Variants in TJP1 observed in about 807,000 individuals in gnomAD.
The protein encoded by TJP1 is tight junction protein ZO-1.
A neutral mutation model predicts 194.2 loss-of-function variants in TJP1; 43 were observed. That is an observed-to-expected ratio of 0.22 (90% CI 0.17 to 0.29). The LOEUF (loss-of-function observed/expected upper bound fraction) is 0.29, where lower values mean the gene tolerates loss of function less well. Ranked by LOEUF, TJP1 falls within the 10% of genes least tolerant of loss-of-function variation. The pLI, the probability that TJP1 is intolerant of heterozygous loss-of-function variation, is 1.00. For missense variants in TJP1, 1,971 were observed against 2,185.7 expected (o/e 0.90, Z 1.96); for synonymous variants, 801 against 779.0 (o/e 1.03, Z -0.47).
rs754797988 is a variant in TJP1 at position 29,781,324 on chromosome 15, T to C, written c.85-7967A>G. On this transcript the variant is annotated intron_variant, in intron 2 of 27. Transcript: ENST00000614355. ...GTAACAAACGCCGAAAGTGAATCAGTAGTAAATAGCCTACCAACTAAAAAA... is the reference window on the plus strand; with the variant it reads ...GTAACAAACGCCGAAAGTGAATCAGCAGTAAATAGCCTACCAACTAAAAAA... Among the ~76,000 whole-genome samples, 66 of 152,128 alleles carry C rather than the reference T, an allele frequency of 4.3e-4. 1 individual carries two copies. Among genetic ancestry groups the C allele is most frequent in the Middle Eastern group, 3.4e-3 (1 of 294 alleles).
At chr15:29,791,407 A>G (rs2048074840) in intron 2 of TJP1, among the ~76,000 whole-genome samples, 1 of 138,174 alleles carries the variant, frequency 7.2e-6, no homozygotes, top group South Asian at 2.3e-4. Context: ...GAGCCTCCAT[A>G]ATATTCTTTT....
intron 1 of TJP1, among the ~76,000 whole-genome samples, chr15:29,957,041 C>G (rs1478643025): frequency 6.6e-6 from 1 of 152,118 alleles, no homozygotes; most frequent in African/African-American, 2.4e-5. Flanking sequence ...GCCTAGCACA[C>G]CCAGTACAAG....
At chr15:29,705,148 C>T (rs540355420) in intron 26 of TJP1, among the ~76,000 whole-genome samples, 1 of 152,308 alleles carries the variant, frequency 6.6e-6, no homozygotes, top group Admixed American at 6.5e-5. Context: ...TTTAGGTTCT[C>T]CAATCAGGTG....
At chr15:29,948,142 G>A (rs888789137) in intron 2 of TJP1, among the ~76,000 whole-genome samples, 10 of 151,872 alleles carry the variant, frequency 6.6e-5, no homozygotes, top group African/African-American at 2.4e-4. Context: ...GTGCCCGCCT[G>A]TAGTCCCAGT....
chr15:29,727,614 GAATTT>G (rs1312861088), intron 16 of TJP1, among the ~76,000 whole-genome samples: 4 of 152,168 alleles, frequency 2.6e-5, no homozygotes, highest in Non-Finnish European at 5.9e-5. Context: ...AAATGTTTAA[GAATTT>G]AATGTTCCTG....
At chr15:29,705,810 C>T (rs2041862694) in intron 25 of TJP1, 65 bp from the exon 26 acceptor site, 1 of 1,388,418 alleles carries the variant, frequency 7.2e-7, no homozygotes, top group South Asian at 1.2e-5. Context: ...GCTTTTACTA[C>T]TACTGTATTA....
chr15:29,741,426 A>T lies in TJP1; in HGVS notation c.1161T>A (p.Pro387=), dbSNP rs377099925. The change falls in exon 10 of 28, where the codon CCT becomes CCA. Residue 387 remains proline, a synonymous_variant. Transcript: ENST00000614355. The stretch of plus-strand genomic sequence containing the variant: ...CTGGTTGCCCAACTTGGGCATACAC[A>T]GGCTTTGGTTCTAAGAAAAAAAAAA... ...KQTPSLPEPK[P]VYAQVGQPDV... is the part of the protein sequence containing the mutation. The T allele has an allele frequency of 1.4e-4, 221 of 1,607,276 alleles. No individual in the cohort carries two copies. In the African/African-American group the frequency reaches 2.6e-3, roughly 19 times the overall value.
At chr15:29,767,742 C>G (rs1203821024) in intron 4 of TJP1, among the ~76,000 whole-genome samples, 2 of 152,200 alleles carry the variant, frequency 1.3e-5, no homozygotes, top group South Asian at 4.2e-4. Context: ...CCATTTTACT[C>G]CCCCTCCCCT....
intron 1 of TJP1, among the ~76,000 whole-genome samples, chr15:29,815,335 T>C (rs1316641771): frequency 6.6e-6 from 1 of 152,244 alleles, no homozygotes; most frequent in Non-Finnish European, 1.5e-5. Context: ...TATTTCTTTC[T>C]ACAAGACTAA....
chr15:29,934,822 G>A (rs998310270), intron 2 of TJP1, among the ~76,000 whole-genome samples: 1 of 152,240 alleles, frequency 6.6e-6, no homozygotes, highest in Non-Finnish European at 1.5e-5. Context: ...GCTATGAGTA[G>A]TGTGAAGGGT....
At chr15:29,766,149 A>C in intron 5 of TJP1, 117 bp downstream of exon 5, 1 of 1,368,896 alleles carries the variant, frequency 7.3e-7, no homozygotes, top group Non-Finnish European at 9.9e-7. Flanking sequence ...TTACAGTGAT[A>C]GAACACAAAC....
intron 8 of TJP1, among the ~76,000 whole-genome samples, chr15:29,748,564 CTTTTTTTTTTTTTT>C (rs61364565): frequency 1.6e-4 from 12 of 73,392 alleles, no homozygotes; most frequent in African/African-American, 4.8e-4. Flanking sequence ...CTTCCTAATT[CTTTTTTTTTTTTTT>C]TTTTTTTTTT....
intron 16 of TJP1, 128 bp from the exon 17 acceptor site, chr15:29,727,119 G>C (rs1381025675): frequency 1.3e-6 from 1 of 745,616 alleles, no homozygotes; most frequent in East Asian, 2.7e-5. Flanking sequence ...CGAGGTGGGT[G>C]AATCACTTGA....
intron 2 of TJP1, among the ~76,000 whole-genome samples, chr15:29,949,889 T>TCCA (rs2055590128): frequency 1.7e-5 from 1 of 57,288 alleles, no homozygotes; most frequent in South Asian, 7.8e-4. Flanking sequence ...AACCACCACC[T>TCCA]CCACCTCCAC....
chr15:29,914,925 G>A (rs1413867810), intron 2 of TJP1, among the ~76,000 whole-genome samples: 1 of 151,912 alleles, frequency 6.6e-6, no homozygotes, highest in African/African-American at 2.4e-5. Flanking sequence ...CACCAACTGA[G>A]GTCTGTGAAC....
intron 1 of TJP1, among the ~76,000 whole-genome samples, chr15:29,957,192 A>C (rs1188533874): frequency 1.3e-5 from 2 of 152,236 alleles, no homozygotes; most frequent in African/African-American, 2.4e-5. Flanking sequence ...AAGAAGTAGC[A>C]AATAGTATAA....
intron 2 of TJP1, among the ~76,000 whole-genome samples, chr15:29,849,244 T>C (rs1219450201): frequency 6.6e-6 from 1 of 152,170 alleles, no homozygotes; most frequent in Non-Finnish European, 1.5e-5. Context: ...TTTTGTGTTA[T>C]AGTTACATGT....
intron 2 of TJP1, chr15:29,956,144 T>G (rs2055932383): frequency 9.3e-7 from 1 of 1,070,004 alleles, no homozygotes; most frequent in Non-Finnish European, 1.2e-6. Flanking sequence ...TGCCACAAAA[T>G]AAGTCTGCTG....
At chr15:29,952,059 C>CT (rs1355028696) in intron 2 of TJP1, among the ~76,000 whole-genome samples, 1 of 152,168 alleles carries the variant, frequency 6.6e-6, no homozygotes, top group African/African-American at 2.4e-5. Flanking sequence ...AATGGAACAG[C>CT]TAGGAATGTA....
Sources: allele counts gnomAD v4.1 joint callset (sites outside exome capture counted in the v4.1 genomes callset), GRCh38; gene constraint gnomAD v4.1.1; transcripts MANE v1.5; gene names NCBI Gene and HGNC (gene_info 2026-07-23, HGNC 2026-07-21).